CSMD1: variants seen among roughly 807,000 people sequenced by gnomAD.
CSMD1 encodes the protein CUB and sushi domain-containing protein 1.
Under a neutral mutation model 417.5 loss-of-function variants are expected in CSMD1, and 213 were observed. That is an observed-to-expected ratio of 0.51 (90% CI 0.46 to 0.57). The LOEUF (loss-of-function observed/expected upper bound fraction) is 0.57, where lower values mean the gene tolerates loss of function less well. Among genes scored for constraint, CSMD1 ranks in the 20% least tolerant of loss-of-function variants. The pLI, the probability that CSMD1 is intolerant of heterozygous loss-of-function variation, is 0.00. For synonymous variants in CSMD1, 2,862 were observed against 1,736.8 expected (o/e 1.65, Z -16.11); for missense variants, 6,923 against 4,529.7 (o/e 1.53, Z -15.17).
intron 1 of CSMD1, among the ~76,000 whole-genome samples, chr8:4,739,573 T>C (rs1810465668): frequency 6.6e-6 from 1 of 152,206 alleles, no homozygotes; most frequent in Admixed American, 6.5e-5. Context: ...CTTTTGACTC[T>C]AAATGAGAAC....
chr8:3,321,400 G>T, intron 23 of CSMD1, among the ~76,000 whole-genome samples: 1 of 152,212 alleles, frequency 6.6e-6, no homozygotes, highest in Middle Eastern at 3.4e-3. Context: ...GGCTGCAGCT[G>T]TCCTACCCTA....
chr8:3,230,953 C>A (rs1035605006), intron 26 of CSMD1, among the ~76,000 whole-genome samples: 1 of 152,128 alleles, frequency 6.6e-6, no homozygotes, highest in African/African-American at 2.4e-5. Flanking sequence ...TTTCAGGGGC[C>A]ACTGGAGCCT....
intron 3 of CSMD1, among the ~76,000 whole-genome samples, chr8:4,322,669 T>G (rs1448784784): frequency 6.6e-6 from 1 of 152,206 alleles, no homozygotes; most frequent in Non-Finnish European, 1.5e-5. Context: ...TACAGAATAT[T>G]GCTTATTTTC....
chr8:3,211,122 G>A (rs1797582080), intron 30 of CSMD1, among the ~76,000 whole-genome samples: 1 of 152,126 alleles, frequency 6.6e-6, no homozygotes, highest in South Asian at 2.1e-4. Flanking sequence ...ACGGCTCACT[G>A]CAGCCTCAAC....
intron 7 of CSMD1, among the ~76,000 whole-genome samples, chr8:3,673,064 G>T (rs1479967998): frequency 6.6e-6 from 1 of 152,114 alleles, no homozygotes; most frequent in Admixed American, 6.6e-5. Flanking sequence ...CGGTATGATT[G>T]ATATACTGTA....
chr8:3,959,148 C>G (rs2627493), intron 5 of CSMD1, among the ~76,000 whole-genome samples: 69,656 of 152,054 alleles, frequency 0.46, 16,870 homozygotes, highest in East Asian at 0.78. Context: ...TATTTAAAAG[C>G]ATAATTTGAG....
At chr8:3,095,258 T>C (rs897022502) in intron 47 of CSMD1, among the ~76,000 whole-genome samples, 1 of 152,152 alleles carries the variant, frequency 6.6e-6, no homozygotes, top group African/African-American at 2.4e-5. Flanking sequence ...AACACAGACA[T>C]ACAGCCTGTG....
intron 1 of CSMD1, among the ~76,000 whole-genome samples, chr8:4,902,023 A>G (rs905361566): frequency 6.6e-6 from 1 of 152,216 alleles, no homozygotes; most frequent in Non-Finnish European, 1.5e-5. Context: ...TGCAGCTATG[A>G]TGCAAACATA....
intron 5 of CSMD1, among the ~76,000 whole-genome samples, chr8:3,789,371 GTTTT>G (rs796831363): frequency 9.3e-5 from 10 of 107,400 alleles, no homozygotes; most frequent in African/African-American, 3.2e-4. Context: ...TATTGCTAGT[GTTTT>G]TTTTTTTAAG....
intron 2 of CSMD1, among the ~76,000 whole-genome samples, chr8:4,612,081 T>C (rs529941648): frequency 6.6e-6 from 1 of 151,848 alleles, no homozygotes; most frequent in South Asian, 2.1e-4. Context: ...GATAGAAGAG[T>C]GCTGGGAAGA....
chr8:4,378,392 G>C (rs145878169), intron 3 of CSMD1, among the ~76,000 whole-genome samples: 23 of 152,304 alleles, frequency 1.5e-4, no homozygotes, highest in African/African-American at 5.3e-4. Context: ...TCGTTTGCAC[G>C]CAAGTTGGCT....
At chr8:4,318,789 A>C (rs1456736821) in intron 3 of CSMD1, among the ~76,000 whole-genome samples, 2 of 151,970 alleles carry the variant, frequency 1.3e-5, no homozygotes, top group African/African-American at 4.8e-5. Flanking sequence ...CATTGTATTT[A>C]CAAGCAAGTT....
chr8:4,526,637 C>T (rs1410667391), intron 2 of CSMD1, among the ~76,000 whole-genome samples: 2 of 152,128 alleles, frequency 1.3e-5, no homozygotes, highest in Non-Finnish European at 2.9e-5. Context: ...TGGGAATTAA[C>T]AAAAATTGTG....
intron 42 of CSMD1, among the ~76,000 whole-genome samples, chr8:3,111,567 C>T (rs756824659): frequency 6.6e-6 from 1 of 152,062 alleles, no homozygotes; most frequent in African/African-American, 2.4e-5. Flanking sequence ...CACGGTGGCT[C>T]ACTTCTGTAA....
chr8:2,995,810 C>G (rs1268142414), intron 54 of CSMD1, among the ~76,000 whole-genome samples: 1 of 152,156 alleles, frequency 6.6e-6, no homozygotes, highest in African/African-American at 2.4e-5. Context: ...AGGCTGCACA[C>G]CACATGATTT....
chr8:4,567,089 G>C (rs1585260053), intron 2 of CSMD1, among the ~76,000 whole-genome samples: 1 of 151,250 alleles, frequency 6.6e-6, no homozygotes, highest in Non-Finnish European at 1.5e-5. Context: ...TTATTAATCT[G>C]TATTTTAAAA....
chr8:4,844,333 G>GA (rs1554499846), intron 1 of CSMD1, among the ~76,000 whole-genome samples: 30 of 151,590 alleles, frequency 2.0e-4, no homozygotes, highest in African/African-American at 6.5e-4. Flanking sequence ...GATACATTTT[G>GA]TTTTTTTTGC....
chr8:4,599,862 A>C (rs78378663), intron 2 of CSMD1, among the ~76,000 whole-genome samples: 2,211 of 152,258 alleles, frequency 0.015, 25 homozygotes, highest in Non-Finnish European at 0.022. Flanking sequence ...CTTAGAGACA[A>C]TTAAAGTTAC....
intron 1 of CSMD1, among the ~76,000 whole-genome samples, chr8:4,812,050 G>C (rs1347696528): frequency 1.3e-5 from 2 of 152,180 alleles, no homozygotes; most frequent in Non-Finnish European, 2.9e-5. Context: ...ACAAGGTCCT[G>C]TCATTTATAA....
Sources: gnomAD v4.1 joint callset for allele counts (sites outside exome capture counted in the v4.1 genomes callset) on GRCh38, gnomAD v4.1.1 for gene constraint, MANE v1.5 for transcripts, NCBI Gene and HGNC (gene_info 2026-07-23, HGNC 2026-07-21) for gene names.